Variants in ZNF536 observed in about 807,000 individuals in gnomAD.
The protein encoded by ZNF536 is zinc finger protein 536.
Under a neutral mutation model 84.5 loss-of-function variants are expected in ZNF536, and 13 were observed. That is an observed-to-expected ratio of 0.15 (90% CI 0.10 to 0.24). ZNF536 has a LOEUF of 0.24. Ranked by LOEUF, ZNF536 falls within the 10% of genes least tolerant of loss-of-function variation. ZNF536 has a pLI of 1.00. For missense variants in ZNF536, 1,536 were observed against 1,747.5 expected (o/e 0.88, Z 2.16); for synonymous variants, 811 against 742.5 (o/e 1.09, Z -1.50).
intron 3 of ZNF536, among the ~76,000 whole-genome samples, chr19:30,537,676 A>G (rs2045145274): frequency 6.6e-6 from 1 of 152,182 alleles, no homozygotes; most frequent in Non-Finnish European, 1.5e-5. Context: ...GAGAGAGCAA[A>G]TGGTTATTGC....
rs748329965 is a variant in ZNF536 at position 30,548,249 on chromosome 19, C to A, written c.2630C>A (p.Ser877Tyr). The A allele has an allele frequency of 1.6e-5, 26 of 1,614,114 alleles. No homozygotes were observed. Among genetic ancestry groups the A allele is most frequent in the Non-Finnish European group, 2.0e-5 (24 of 1,180,042 alleles). Residue 877 changes from serine (S) to tyrosine (Y), a missense_variant, in exon 4 of 5, where the codon TCT becomes TAT. Physicochemically the swap from Ser to Tyr is moderately radical, Grantham distance 144. Around this residue, in one of 8 missense-constraint regions of ZNF536, gnomAD observed 624 missense variants for 603.1 expected, o/e 1.03. Transcript: ENST00000355537. ...GDHSGQATGMSSEVPSDALKG... is the reference protein window; with the variant it reads ...GDHSGQATGMYSEVPSDALKG... ...CACTCGGGGCAGGCCACGGGCATGT[C>A]TTCGGAGGTCCCCTCAGATGCTCTG...
At chr19:30,315,453 C>T (rs1337136276) in intron 2 of ZNF536, among the ~76,000 whole-genome samples, 6 of 152,096 alleles carry the variant, frequency 3.9e-5, no homozygotes, top group Non-Finnish European at 8.8e-5. Context: ...GGGGCATGAG[C>T]CACCCCCCTC....
At chr19:30,706,799 T>C (rs2052254131) in intron 1 of ZNF536, among the ~76,000 whole-genome samples, 1 of 152,246 alleles carries the variant, frequency 6.6e-6, no homozygotes. Context: ...TAGCTTTATC[T>C]GAGCCATGGT....
chr19:30,241,811 C>T (rs1409112570), intron 1 of ZNF536, among the ~76,000 whole-genome samples: 1 of 152,122 alleles, frequency 6.6e-6, no homozygotes, highest in East Asian at 1.9e-4. Context: ...TTCAACCGTG[C>T]CCACGAAGAC....
intron 2 of ZNF536, among the ~76,000 whole-genome samples, chr19:30,314,802 G>T (rs1412502445): frequency 6.6e-6 from 1 of 152,126 alleles, no homozygotes; most frequent in Non-Finnish European, 1.5e-5. Context: ...TAAGGTGGGT[G>T]ATCGCACCCA....
intron 2 of ZNF536, among the ~76,000 whole-genome samples, chr19:30,456,545 C>A (rs1183282970): frequency 6.6e-6 from 1 of 152,084 alleles, no homozygotes; most frequent in Non-Finnish European, 1.5e-5. Flanking sequence ...ATGAGAAAAT[C>A]CCCTCGTAAG....
chr19:30,661,465 A>G (rs1224261078), intron 1 of ZNF536, among the ~76,000 whole-genome samples: 1 of 152,232 alleles, frequency 6.6e-6, no homozygotes, highest in East Asian at 1.9e-4. Flanking sequence ...TCCTGTGAAC[A>G]CTGTGTTATT....
intron 2 of ZNF536, among the ~76,000 whole-genome samples, chr19:30,451,335 G>A (rs1021119859): frequency 6.6e-5 from 10 of 152,244 alleles, no homozygotes; most frequent in African/African-American, 2.2e-4. Flanking sequence ...CCCCGGAGCC[G>A]GATGCCTACC....
intron 1 of ZNF536, among the ~76,000 whole-genome samples, chr19:30,409,289 G>A (rs1278931571): frequency 6.6e-6 from 1 of 152,196 alleles, no homozygotes; most frequent in East Asian, 1.9e-4. Context: ...CTTGGAGAGT[G>A]TATTTCCTGC....
intron 2 of ZNF536, among the ~76,000 whole-genome samples, chr19:30,466,039 C>T (rs892074903): frequency 2.0e-5 from 3 of 151,922 alleles, no homozygotes; most frequent in African/African-American, 4.8e-5. Flanking sequence ...CATGAGCCAC[C>T]GTGCCTGGCA....
intron 1 of ZNF536, among the ~76,000 whole-genome samples, chr19:30,255,425 C>T (rs909823619): frequency 1.4e-5 from 2 of 145,226 alleles, no homozygotes; most frequent in African/African-American, 5.3e-5. Flanking sequence ...GAAGCACATA[C>T]ATGAGACTAA....
Position 30,445,169 on chromosome 19 carries a change from G to A in ZNF536, c.1607G>A (p.Gly536Asp), listed in dbSNP as rs568730030. Residue 536 changes from glycine (G) to aspartate (D), a missense_variant, in exon 2 of 5, where the codon GGC (glycine) becomes GAC (aspartate). Physicochemically the swap from Gly to Asp is moderately conservative, Grantham distance 94 (BLOSUM62 -1). Transcript: ENST00000355537. This position sits in a 1 kb window ranked among gnomAD's most constrained non-coding sequence, Gnocchi z 4.5. ...LMARGMAMEH[G>D]FLSKEHPLQR... is the part of the protein sequence containing the mutation. Reference sequence around the variant, plus strand: ...GCCAGGGGCATGGCCATGGAACATGGCTTCTTGTCTAAAGAGCATCCGCTG... The same window carrying A: ...GCCAGGGGCATGGCCATGGAACATGACTTCTTGTCTAAAGAGCATCCGCTG... The A allele has an allele frequency of 3.7e-6, 6 of 1,614,164 alleles. No individual in the cohort carries two copies. In the East Asian group the frequency reaches 1.3e-4, roughly 36 times the overall value.
At position 30,567,821 on chromosome 19, in the gene ZNF536, T is replaced by C. The variant is rs554827222; in HGVS notation, c.169+18307T>C. On this transcript the variant is annotated intron_variant, in intron 1 of 1. Coordinates refer to the ZNF536 transcript ENST00000592773. ...CAGAGCCGCTTCACATGTGCCCAAT[T>C]ACCTCTGTCAGGCAGGGGGAAGGAG... 6.6e-5 allele frequency among the ~76,000 whole-genome samples: 10 copies of C among 152,278 alleles called. 1 individual carries two copies. The South Asian group carries it at 2.1e-3, about 32-fold the overall frequency.
chr19:30,351,045 TAA>T, intron 2 of ZNF536, among the ~76,000 whole-genome samples: 1 of 152,110 alleles, frequency 6.6e-6, no homozygotes, highest in East Asian at 1.9e-4. Context: ...AGTGGAAAAA[TAA>T]AGACGGGGAA....
intron 2 of ZNF536, among the ~76,000 whole-genome samples, chr19:30,518,241 T>G (rs2044171130): frequency 6.6e-6 from 1 of 152,226 alleles, no homozygotes; most frequent in South Asian, 2.1e-4. Flanking sequence ...CCTGGGCAGC[T>G]GGCAGGAAGG....
chr19:30,399,924 G>A (rs1462955282), intron 1 of ZNF536, among the ~76,000 whole-genome samples: 2 of 152,174 alleles, frequency 1.3e-5, no homozygotes, highest in African/African-American at 2.4e-5. Flanking sequence ...CTGACCTCAA[G>A]CAGTCCACCT....
rs566005095 is a variant in ZNF536 at position 30,548,776 on chromosome 19, C to T, written c.3157C>T (p.Leu1053=). 5.0e-6 allele frequency: 8 copies of T among 1,613,900 alleles called. No homozygotes were observed. The African/African-American group carries it at 6.7e-5, about 13-fold the overall frequency. ...DQAREASKMA[L]LPSLQSNKDL... is the part of the protein sequence containing the mutation. ...AGCCCGGGAGGCGAGTAAGATGGCC[C>T]TGCTGCCCTCGTTACAATCAAACAA... The change falls in exon 4 of 5, where the codon CTG becomes TTG. Residue 1053 remains leucine, a synonymous_variant. Transcript: ENST00000355537.
At chr19:30,348,190 A>T (rs1022559542) in intron 2 of ZNF536, among the ~76,000 whole-genome samples, 1 of 152,166 alleles carries the variant, frequency 6.6e-6, no homozygotes, top group Admixed American at 6.5e-5. Context: ...ACATTTGTTC[A>T]TGTATGCATT....
intron 1 of ZNF536, among the ~76,000 whole-genome samples, chr19:30,635,974 C>A (rs2049050810): frequency 6.6e-6 from 1 of 152,222 alleles, no homozygotes; most frequent in Non-Finnish European, 1.5e-5. Context: ...GATGAGTGGG[C>A]CGCCGGAGAG....
Sources: allele counts gnomAD v4.1 joint callset (sites outside exome capture counted in the v4.1 genomes callset), GRCh38; gene constraint gnomAD v4.1.1; regional missense constraint gnomAD v4.1.1; non-coding constraint Gnocchi (gnomAD v3.1); transcripts MANE v1.5; gene names NCBI Gene and HGNC (gene_info 2026-07-23, HGNC 2026-07-21).